The following BRWD1 variants were observed in gnomAD, a reference collection of about 807,000 sequenced individuals.
BRWD1 encodes the protein bromodomain and WD repeat-containing protein 1.
Under a neutral mutation model 251.2 loss-of-function variants are expected in BRWD1, and 82 were observed. The observed-to-expected ratio is 0.33, with a 90% CI of 0.27 to 0.39. BRWD1 has a LOEUF of 0.39. BRWD1 is among the 10% of genes least tolerant of loss of function. The probability of loss-of-function intolerance (pLI) is 1.00; values close to 1 mark genes in which losing one functional copy is unlikely to be tolerated. For synonymous variants in BRWD1, 918 were observed against 902.8 expected (o/e 1.02, Z -0.30); for missense variants, 2,233 against 2,711.6 (o/e 0.82, Z 3.92).
chr21:39,267,858 A>G (rs913047848), intron 15 of BRWD1, among the ~76,000 whole-genome samples: 10 of 152,214 alleles, frequency 6.6e-5, no homozygotes. Flanking sequence ...GACAGGCTGA[A>G]TTTATACTCA....
intron 4 of BRWD1, among the ~76,000 whole-genome samples, chr21:39,308,577 G>A (rs924720925): frequency 6.6e-6 from 1 of 150,846 alleles, no homozygotes; most frequent in Non-Finnish European, 1.5e-5. Context: ...AAGATAAATT[G>A]TGGCTTTACA....
At chr21:39,258,155 G>A (rs186081867) in intron 18 of BRWD1, among the ~76,000 whole-genome samples, 15 of 152,132 alleles carry the variant, frequency 9.9e-5, no homozygotes, top group African/African-American at 3.1e-4. Flanking sequence ...ACCCAATACA[G>A]TTTTTCAAAA....
chr21:39,238,684 T>C, intron 21 of BRWD1, 111 bp from the exon 22 acceptor site: 1 of 687,354 alleles, frequency 1.5e-6, no homozygotes, highest in Non-Finnish European at 2.5e-6. Flanking sequence ...CTAAGAAAAA[T>C]GAACAGTAAT....
At chr21:39,271,852 A>T (rs1346693206) in intron 13 of BRWD1, among the ~76,000 whole-genome samples, 1 of 151,864 alleles carries the variant, frequency 6.6e-6, no homozygotes, top group African/African-American at 2.4e-5. Context: ...CAACCTGGCC[A>T]ACAGGATGAA....
rs2031246320 is a variant in BRWD1 at position 39,186,570 on chromosome 21, G to A, written c.*9689C>T. ...CCATTAGCACTTCCTTTGGAAAAAT[G>A]CCTGATTTTTTTTCCTCATGACACC... On this transcript the variant is annotated 3_prime_UTR_variant, in exon 41 of 41. Transcript: ENST00000342449. The A allele has an allele frequency of 6.6e-6, 1 of 152,420 alleles. No homozygotes were observed. The highest frequency in any genetic ancestry group is 6.5e-5 in the Admixed American group (1 of 15,282). The allele number at this position is 152,420 out of a possible 1,614,324, so 9.4% of individuals were successfully genotyped here. A position where few individuals can be genotyped will look rare whatever the true frequency, so the allele number is the denominator to read the frequency against.
chr21:39,291,764 G>A (rs1012646236), intron 8 of BRWD1, among the ~76,000 whole-genome samples: 1 of 152,060 alleles, frequency 6.6e-6, no homozygotes, highest in African/African-American at 2.4e-5. Flanking sequence ...GTGTCAGCAT[G>A]ATTCCTTAGT....
In BRWD1 at chr21:39,190,982, C is replaced by G; in HGVS notation, c.*5277G>C. ...GTTTTCTCTCACCCCTAGAAAAACT[C>G]AGATTTGTGATGGCTATTGCAATTT... is the stretch of plus-strand genomic sequence containing the variant. On this transcript the variant is annotated 3_prime_UTR_variant, in exon 41 of 41. Transcript: ENST00000342449. The G allele has an allele frequency of 1.0e-6, 1 of 985,268 alleles. No homozygotes were observed. The highest frequency in any genetic ancestry group is 1.2e-6 in the Non-Finnish European group (1 of 829,858). 61.0% of individuals were successfully genotyped at this position (985,268 alleles called of 1,614,324 possible). A position where few individuals can be genotyped will look rare whatever the true frequency, so the allele number is the denominator to read the frequency against.
intron 21 of BRWD1, among the ~76,000 whole-genome samples, chr21:39,243,518 T>G (rs546390270): frequency 6.6e-6 from 1 of 152,290 alleles, no homozygotes; most frequent in South Asian, 2.1e-4. Flanking sequence ...CAACCAAGGC[T>G]CATTGCAGCC....
intron 8 of BRWD1, among the ~76,000 whole-genome samples, chr21:39,282,610 ATTTT>A (rs961615165): frequency 2.0e-5 from 3 of 151,844 alleles, no homozygotes; most frequent in Non-Finnish European, 2.9e-5. Flanking sequence ...GGACAAAAAA[ATTTT>A]TTTTTAATTA....
At chr21:39,274,846 T>C (rs1272065211) in intron 12 of BRWD1, among the ~76,000 whole-genome samples, 1 of 152,062 alleles carries the variant, frequency 6.6e-6, no homozygotes, top group Non-Finnish European at 1.5e-5. Context: ...TCGAGATCAG[T>C]CTGACCAACA....
intron 25 of BRWD1, among the ~76,000 whole-genome samples, chr21:39,230,505 C>T (rs1386512972): frequency 6.6e-6 from 1 of 152,196 alleles, no homozygotes; most frequent in African/African-American, 2.4e-5. Context: ...ATTCTGGTCA[C>T]AACACTGTAG....
rs1375589518 is a variant in BRWD1, at chr21:39,194,456, C to A, written c.*1803G>T. ...TTAGTCAAGGACAATTATCATGAAT[C>A]AATCTGTTTACTATCTACTTAACAC... is the stretch of plus-strand genomic sequence containing the variant. On this transcript the variant is annotated 3_prime_UTR_variant, in exon 41 of 41. Coordinates refer to ENST00000342449, the MANE Select transcript of BRWD1 (RefSeq NM_033656.4). 3 of 1,336,126 alleles carry A rather than the reference C, an allele frequency of 2.2e-6. No individual in the cohort carries two copies. Among genetic ancestry groups the A allele is most frequent in the East Asian group, 2.9e-5 (1 of 34,308 alleles). The allele number at this position is 1,336,126 out of a possible 1,614,324, so 82.8% of individuals were successfully genotyped here.
intron 36 of BRWD1, among the ~76,000 whole-genome samples, chr21:39,207,717 A>G (rs2032473086): frequency 1.3e-5 from 2 of 152,254 alleles, no homozygotes; most frequent in Admixed American, 1.3e-4. Context: ...TTGCTGCAGC[A>G]TTACTCGTAA....
chr21:39,224,109 CA>C (rs1272251669), intron 29 of BRWD1, among the ~76,000 whole-genome samples: 1 of 152,194 alleles, frequency 6.6e-6, no homozygotes, highest in Non-Finnish European at 1.5e-5. Context: ...TTTGGCCTCC[CA>C]AAGTGCTGAG....
At chr21:39,292,132 T>TGGGGGGGGGGGGGG (rs1182694435) in intron 8 of BRWD1, among the ~76,000 whole-genome samples, 4 of 12,352 alleles carry the variant, frequency 3.2e-4, no homozygotes, top group Non-Finnish European at 5.3e-4. Flanking sequence ...TGGGTGGGGG[T>TGGGGGGGGGGGGGG]GGGGGGGGGG....
chr21:39,315,811 CAG>C (rs1488384974), upstream of BRWD1: 1 of 151,090 alleles, frequency 6.6e-6, no homozygotes, highest in Non-Finnish European at 1.5e-5. Context: ...TTAGGGGAAA[CAG>C]ATGTAAGCAA....
rs2031385915 is a variant in BRWD1, at chr21:39,188,746, A to G, written c.*7513T>C. 1 of 985,322 alleles carries G rather than the reference A, an allele frequency of 1.0e-6. No homozygotes were observed. The highest frequency in any genetic ancestry group is 1.7e-5 in the African/African-American group (1 of 57,244). 61.0% of individuals were successfully genotyped at this position (985,322 alleles called of 1,614,324 possible). A position where few individuals can be genotyped will look rare whatever the true frequency, so the allele number is the denominator to read the frequency against. On this transcript the variant is annotated 3_prime_UTR_variant, in exon 41 of 41. Transcript: ENST00000342449. Reference sequence around the variant, plus strand: ...AGATCAGTTGAGCGTTCTCCCCAGAATAGGTTAGGAAATACTTTATTCAAA... The same window carrying G: ...AGATCAGTTGAGCGTTCTCCCCAGAGTAGGTTAGGAAATACTTTATTCAAA...
At chr21:39,218,415 A>T in intron 30 of BRWD1, 90 bp downstream of exon 30, 1 of 1,440,648 alleles carries the variant, frequency 6.9e-7, no homozygotes, top group Non-Finnish European at 9.3e-7. Context: ...GTAGAAAAGA[A>T]CAGAAACCTC....
rs747828136 is a variant in BRWD1 at position 39,202,537 on chromosome 21, T to G, written c.4373A>C (p.Lys1458Thr). Residue 1458 changes from lysine (K) to threonine (T), a missense_variant, in exon 38 of 41, where the codon AAG becomes ACG. Coordinates refer to ENST00000342449, the MANE Select transcript of BRWD1 (RefSeq NM_033656.4). ...TGTCTGAGATTTTAACCTCTTCGGC[T>G]TGAGGTTTCTGGCCAAACATATGAA... ...SQPNKSIRNL[K>T]PKRLKSQTKI... is the part of the protein sequence containing the mutation. The G allele has an allele frequency of 2.5e-6, 4 of 1,607,672 alleles. No individual in the cohort carries two copies. The East Asian group carries it at 9.0e-5, about 36-fold the overall frequency.
Sources: gnomAD v4.1 joint callset for allele counts (sites outside exome capture counted in the v4.1 genomes callset) on GRCh38, gnomAD v4.1.1 for gene constraint, MANE v1.5 for transcripts, NCBI Gene and HGNC (gene_info 2026-07-23, HGNC 2026-07-21) for gene names.